The following BDKRB2 variants were observed in gnomAD, a reference collection of about 807,000 sequenced individuals.
BDKRB2 encodes bradykinin receptor B2.
A neutral mutation model predicts 4.0 loss-of-function variants in BDKRB2; 6 were observed. The ratio of observed to expected loss-of-function variants is 1.49; its 90% CI spans 0.81 to 2.93. The LOEUF is 2.93. BDKRB2 is among the 30% of genes most tolerant of loss of function. BDKRB2 has a pLI of 0.00. For synonymous variants in BDKRB2, 225 were observed against 215.3 expected (o/e 1.05, Z -0.40); for missense variants, 478 against 520.1 (o/e 0.92, Z 0.79).
At chr14:96,215,471 C>CAA (rs11385842) in intron 1 of BDKRB2, among the ~76,000 whole-genome samples, 55,697 of 148,382 alleles carry the variant, frequency 0.38, 10,442 homozygotes, top group East Asian at 0.51. Flanking sequence ...AAATGCCAAA[C>CAA]AAAAAAAAAA....
At chr14:96,213,087 G>A (rs949159055) in intron 1 of BDKRB2, among the ~76,000 whole-genome samples, 12 of 152,140 alleles carry the variant, frequency 7.9e-5, no homozygotes, top group Non-Finnish European at 1.6e-4. Context: ...TACTTGCTGA[G>A]TAACCCAGGA....
Position 96,241,271 on chromosome 14 carries a change from C to G in BDKRB2, c.943C>G (p.Gln315Glu). The G allele has an allele frequency of 6.2e-7, 1 of 1,614,020 alleles. No homozygotes were observed. Among genetic ancestry groups the G allele is most frequent in the Non-Finnish European group, 8.5e-7 (1 of 1,179,896 alleles). Residue 315 changes from glutamine to glutamate, a missense_variant, in exon 3 of 3, where the codon CAG becomes GAG. Transcript: ENST00000554311. Reference sequence around the variant, plus strand: ...CGAGCGCATCATCGATGTAATCACACAGATCGCCTCCTTCATGGCCTACAG... The same window carrying G: ...CGAGCGCATCATCGATGTAATCACAGAGATCGCCTCCTTCATGGCCTACAG... ...QDERIIDVIT[Q>E]IASFMAYSNS...
rs935206586 is a variant in BDKRB2, at chr14:96,242,158, G to C, written c.*654G>C. 6.6e-6 allele frequency: 1 copy of C among 152,236 alleles called. No individual in the cohort carries two copies. Among genetic ancestry groups the C allele is most frequent in the Non-Finnish European group, 1.5e-5 (1 of 68,058 alleles). 9.4% of individuals were successfully genotyped at this position (152,236 alleles called of 1,614,324 possible). On this transcript the variant is annotated 3_prime_UTR_variant, in exon 3 of 3. Coordinates refer to ENST00000554311, the MANE Select transcript of BDKRB2 (RefSeq NM_001379692.1). ...CACTGTAGGCAAGAGGGAAGAAAGA[G>C]AAGGAGCCATCTCCATCTTGAAGGA... is the stretch of plus-strand genomic sequence containing the variant.
intron 1 of BDKRB2, among the ~76,000 whole-genome samples, chr14:96,226,113 C>T (rs891020564): frequency 1.3e-5 from 2 of 152,210 alleles, no homozygotes; most frequent in African/African-American, 4.8e-5. Flanking sequence ...TTTGGTTTTG[C>T]TCTCTGGTGA....
At chr14:96,225,533 G>A (rs540286647) in intron 1 of BDKRB2, among the ~76,000 whole-genome samples, 1 of 152,184 alleles carries the variant, frequency 6.6e-6, no homozygotes, top group South Asian at 2.1e-4. Flanking sequence ...ATGAAGGAAG[G>A]AACGGATGAA....
chr14:96,213,431 A>T (rs548690034), intron 1 of BDKRB2, among the ~76,000 whole-genome samples: 3 of 152,012 alleles, frequency 2.0e-5, no homozygotes, highest in Non-Finnish European at 2.9e-5. Flanking sequence ...AGCCTCCAGC[A>T]TCAGGAGCCA....
At chr14:96,207,525 G>A (rs1232140583) in intron 1 of BDKRB2, among the ~76,000 whole-genome samples, 1 of 152,190 alleles carries the variant, frequency 6.6e-6, no homozygotes, top group Non-Finnish European at 1.5e-5. Context: ...ACACTGTAAT[G>A]GTAGAGGCAT....
At chr14:96,224,360 T>C (rs897383771) in intron 1 of BDKRB2, among the ~76,000 whole-genome samples, 1 of 151,828 alleles carries the variant, frequency 6.6e-6, no homozygotes, top group Non-Finnish European at 1.5e-5. Context: ...TCAACTCTAG[T>C]CTTGCTAGCT....
chr14:96,230,051 G>A (rs28584822), intron 1 of BDKRB2, among the ~76,000 whole-genome samples: 32,235 of 151,536 alleles, frequency 0.21, 3,523 homozygotes, highest in African/African-American at 0.26. Context: ...GGAGAATGGC[G>A]TGAACCCGGG....
intron 1 of BDKRB2, among the ~76,000 whole-genome samples, chr14:96,229,754 T>C (rs1007424626): frequency 1.3e-5 from 2 of 152,072 alleles, no homozygotes; most frequent in African/African-American, 4.8e-5. Flanking sequence ...CTAGGGCAGA[T>C]TGTAGAAGAG....
chr14:96,230,017 C>T (rs1003234045), intron 1 of BDKRB2, among the ~76,000 whole-genome samples: 1 of 151,516 alleles, frequency 6.6e-6, no homozygotes, highest in African/African-American at 2.4e-5. Flanking sequence ...GCCTGTAGTA[C>T]CAACTACTCG....
rs1338258059 is a variant in BDKRB2 at position 96,223,460 on chromosome 14, G to C, written c.-39-13609G>C. The C allele has an allele frequency of 2.6e-5, 17 of 662,420 alleles. 1 individual carries two copies. The highest frequency in any genetic ancestry group is 4.7e-5 in the Non-Finnish European group (17 of 359,806). The allele number at this position is 662,420 out of a possible 1,614,324, so 41.0% of individuals were successfully genotyped here. Reference sequence around the variant, plus strand: ...TTGTTTCTCACTTTGATATTTAAAAGATGTTCAATACACTGTTTGAATGTG... The same window carrying C: ...TTGTTTCTCACTTTGATATTTAAAACATGTTCAATACACTGTTTGAATGTG... On this transcript the variant is annotated intron_variant, in intron 1 of 2. Transcript: ENST00000554311.
chr14:96,244,002 C>T lies in BDKRB2; in HGVS notation c.*2498C>T, dbSNP rs200295047. The T allele has an allele frequency of 6.6e-5, 26 of 391,962 alleles. No homozygotes were observed. The highest frequency in any genetic ancestry group is 4.5e-4 in the African/African-American group (22 of 48,626). The allele number at this position is 391,962 out of a possible 1,614,324, so 24.3% of individuals were successfully genotyped here. ...GGCAACTGAGTCTGCGGGAGAAGAG[C>T]GGCCCTATGCATGGTGTAGATGCCC... On this transcript the variant is annotated 3_prime_UTR_variant, in exon 3 of 3. Transcript: ENST00000554311.
At chr14:96,211,494 C>T (rs995740431) in intron 1 of BDKRB2, among the ~76,000 whole-genome samples, 3 of 152,230 alleles carry the variant, frequency 2.0e-5, no homozygotes, top group African/African-American at 2.4e-5. Flanking sequence ...GTCTGCACAC[C>T]TGCTACAGGT....
chr14:96,228,876 C>T (rs373472894), intron 1 of BDKRB2, among the ~76,000 whole-genome samples: 2 of 152,354 alleles, frequency 1.3e-5, no homozygotes, highest in East Asian at 3.9e-4. Context: ...CTCAGGCAGA[C>T]CCAGGCTTGA....
At chr14:96,216,944 AG>A (rs1339884198) in intron 1 of BDKRB2, among the ~76,000 whole-genome samples, 1 of 152,200 alleles carries the variant, frequency 6.6e-6, no homozygotes, top group Non-Finnish European at 1.5e-5. Context: ...CCAAGGAGTG[AG>A]GGGCTGTGGC....
intron 1 of BDKRB2, among the ~76,000 whole-genome samples, chr14:96,216,768 AAGGAGGAGGAGG>A (rs1214395657): frequency 6.3e-5 from 6 of 95,976 alleles, no homozygotes; most frequent in Admixed American, 5.8e-4. Context: ...GAGGAGGAGG[AAGGAGGAGGAGG>A]AGGAGGAGGA....
At chr14:96,239,047 A>C in intron 2 of BDKRB2, 1 of 985,502 alleles carries the variant, frequency 1.0e-6, no homozygotes, top group African/African-American at 1.7e-5. Flanking sequence ...TTTTCCTGGG[A>C]AATCCCAGAG....
chr14:96,235,969 A>G, intron 1 of BDKRB2, among the ~76,000 whole-genome samples: 1 of 152,084 alleles, frequency 6.6e-6, no homozygotes, highest in Admixed American at 6.6e-5. Context: ...TAGCCATGGG[A>G]CTGAGACAAG....
Sources: allele counts gnomAD v4.1 joint callset (sites outside exome capture counted in the v4.1 genomes callset), GRCh38; gene constraint gnomAD v4.1.1; transcripts MANE v1.5; gene names NCBI Gene and HGNC (gene_info 2026-07-23, HGNC 2026-07-21).